ECT2: variants seen among roughly 807,000 people sequenced by gnomAD.
ECT2 encodes epithelial cell transforming 2, also known as protein ECT2.
ECT2 carries 61 observed loss-of-function variants against 116.9 expected under a neutral mutation model. That is an observed-to-expected ratio of 0.52 (90% CI 0.42 to 0.65). The LOEUF is 0.65. Among genes scored for constraint, ECT2 ranks in the 30% least tolerant of loss-of-function variants. The pLI, the probability that ECT2 is intolerant of heterozygous loss-of-function variation, is 0.00. For synonymous variants in ECT2, 358 were observed against 346.4 expected (o/e 1.03, Z -0.37); for missense variants, 937 against 1,078.7 (o/e 0.87, Z 1.84).
intron 23 of ECT2, 33 bp downstream of exon 23, chr3:172,815,744 C>T: frequency 7.7e-7 from 1 of 1,300,330 alleles, no homozygotes; most frequent in Non-Finnish European, 1.1e-6. Flanking sequence ...TTTAGCACAT[C>T]TCTAACATAT....
chr3:172,807,561 A>G, intron 21 of ECT2: 1 of 444,430 alleles, frequency 2.3e-6, no homozygotes. Context: ...CATCATCATT[A>G]GTTCCTTACG....
chr3:172,815,136 T>C (rs1180858012), intron 22 of ECT2, among the ~76,000 whole-genome samples: 2 of 152,192 alleles, frequency 1.3e-5, no homozygotes, highest in African/African-American at 2.4e-5. Flanking sequence ...TTTCTGTTCA[T>C]TGTCACCCTA....
chr3:172,801,348 G>C (rs1315152075), intron 18 of ECT2, among the ~76,000 whole-genome samples: 1 of 152,144 alleles, frequency 6.6e-6, no homozygotes. Context: ...TTAGTCTAAG[G>C]TTAATTTTCC....
intron 18 of ECT2, among the ~76,000 whole-genome samples, chr3:172,793,242 T>C (rs956313516): frequency 2.6e-5 from 4 of 152,270 alleles, no homozygotes; most frequent in South Asian, 2.1e-4. Flanking sequence ...CTCGGCTCAC[T>C]GCAACCTCCG....
intron 4 of ECT2, among the ~76,000 whole-genome samples, 196 bp from the exon 5 acceptor site, chr3:172,756,787 T>TAAAAATG (rs747530085): frequency 2.7e-4 from 41 of 152,328 alleles, no homozygotes; most frequent in Middle Eastern, 3.4e-3. Context: ...TATGTATATG[T>TAAAAATG]AAAAATGTAA....
intron 1 of ECT2, among the ~76,000 whole-genome samples, chr3:172,751,383 C>T (rs1249534443): frequency 6.6e-6 from 1 of 152,246 alleles, no homozygotes; most frequent in Non-Finnish European, 1.5e-5. Context: ...TTTAGCCGGG[C>T]TTTGAATACC....
At position 172,805,786 on chromosome 3, in the gene ECT2, C is replaced by G; in HGVS notation, c.2162C>G (p.Thr721Ser). The G allele has an allele frequency of 1.2e-6, 2 of 1,613,778 alleles. No individual in the cohort carries two copies. Residue 721 changes from threonine (T) to serine (S), a missense_variant, in exon 21 of 25, where the codon ACC (threonine) becomes AGC (serine). Transcript: ENST00000392692. Reference sequence around the variant, plus strand: ...ACTTTTAGGAGTCCTCATGGCCAAACCCGACCCCCAGCTTCTCTTAAGCAT... The same window carrying G: ...ACTTTTAGGAGTCCTCATGGCCAAAGCCGACCCCCAGCTTCTCTTAAGCAT... ...IGTFRSPHGQ[T>S]RPPASLKHIH...
chr3:172,814,049 A>AT (rs1259880969), intron 22 of ECT2, among the ~76,000 whole-genome samples: 1 of 152,100 alleles, frequency 6.6e-6, no homozygotes. Flanking sequence ...CAATATTGAC[A>AT]TTTACAAGTA....
chr3:172,751,534 GTC>G (rs1020562165), intron 1 of ECT2, among the ~76,000 whole-genome samples: 12 of 151,828 alleles, frequency 7.9e-5, no homozygotes, highest in African/African-American at 2.9e-4. Flanking sequence ...TTAGGACAAT[GTC>G]TGCCACGTAT....
At chr3:172,815,552 TTA>T in intron 22 of ECT2, 50 bp from the exon 23 acceptor site, 1 of 1,205,044 alleles carries the variant, frequency 8.3e-7, no homozygotes, top group Non-Finnish European at 1.2e-6. Flanking sequence ...AGTTTGATTT[TTA>T]GAAACAGTTG....
intron 13 of ECT2, among the ~76,000 whole-genome samples, chr3:172,771,813 AG>A (rs1720694757): frequency 6.6e-6 from 1 of 152,214 alleles, no homozygotes; most frequent in African/African-American, 2.4e-5. Context: ...ATAAGAGGAT[AG>A]ATTTGAGAAA....
At chr3:172,810,565 C>T (rs1390121712) in intron 22 of ECT2, among the ~76,000 whole-genome samples, 2 of 151,964 alleles carry the variant, frequency 1.3e-5, no homozygotes, top group Non-Finnish European at 2.9e-5. Context: ...TTATTGATAC[C>T]ACTTTAATTT....
At position 172,805,880 on chromosome 3, in the gene ECT2, C is replaced by A; in HGVS notation, c.2245+11C>A. The stretch of plus-strand genomic sequence containing the variant: ...TAAGAGAGACAGAAGGTATGCCGGT[C>A]GGATACATTCTTGGTTATATAAAAA... On this transcript the variant is annotated intron_variant, in intron 21 of 24. Coordinates refer to ENST00000392692, the MANE Select transcript of ECT2 (RefSeq NM_001258315.2). The A allele has an allele frequency of 6.2e-7, 1 of 1,609,826 alleles. No homozygotes were observed. The highest frequency in any genetic ancestry group is 1.1e-5 in the South Asian group (1 of 90,202).
intron 15 of ECT2, among the ~76,000 whole-genome samples, chr3:172,782,629 G>A (rs567277242): frequency 7.9e-5 from 12 of 152,004 alleles, no homozygotes; most frequent in South Asian, 2.1e-4. Context: ...AGATTGTTTC[G>A]TCACCCAGGC....
Position 172,810,730 on chromosome 3 carries a change from G to A in ECT2, c.2400+2806G>A, listed in dbSNP as rs115673841. Among the ~76,000 whole-genome samples, 1,106 of 152,158 alleles carry A rather than the reference G, an allele frequency of 7.3e-3. 14 individuals carry two copies. Among genetic ancestry groups the A allele is most frequent in the African/African-American group, 0.025 (1,034 of 41,512 alleles). ...AGGGGAGAAGTGTCTCATAACTCAC[G>A]AGTAAACAGGTTAATTGGCTTAAGA... On this transcript the variant is annotated intron_variant, in intron 22 of 24. Coordinates refer to ENST00000392692, the MANE Select transcript of ECT2 (RefSeq NM_001258315.2).
At chr3:172,816,636 C>A in intron 23 of ECT2, 55 bp from the exon 24 acceptor site, 1 of 1,464,926 alleles carries the variant, frequency 6.8e-7, no homozygotes, top group Non-Finnish European at 9.2e-7. Context: ...TTTAAATATT[C>A]TCATCAGCTG....
At chr3:172,791,465 T>A (rs115926291) in intron 18 of ECT2, among the ~76,000 whole-genome samples, 4,767 of 152,348 alleles carry the variant, frequency 0.031, 95 homozygotes, top group Middle Eastern at 0.058. Context: ...TATAGCCACC[T>A]TCTTCAATTA....
In ECT2 at chr3:172,820,659, A is replaced by G. The variant is rs1730576417; in HGVS notation, c.*422A>G. ...GCTCAATTTATGCAGAGATTAAATG[A>G]CATCATAATACTGGATGAAAACTTG... On this transcript the variant is annotated 3_prime_UTR_variant, in exon 25 of 25. Coordinates refer to ENST00000392692, the MANE Select transcript of ECT2 (RefSeq NM_001258315.2). 1 of 152,442 alleles carries G rather than the reference A, an allele frequency of 6.6e-6. No individual in the cohort carries two copies. 9.4% of individuals were successfully genotyped at this position (152,442 alleles called of 1,614,324 possible).
intron 18 of ECT2, among the ~76,000 whole-genome samples, chr3:172,789,902 A>G (rs761256474): frequency 2.0e-5 from 3 of 152,216 alleles, no homozygotes; most frequent in Non-Finnish European, 4.4e-5. Context: ...TCCTTCTGCA[A>G]TTGAAATCTT....
Sources: gnomAD v4.1 joint callset for allele counts (sites outside exome capture counted in the v4.1 genomes callset) on GRCh38, gnomAD v4.1.1 for gene constraint, MANE v1.5 for transcripts, NCBI Gene and HGNC (gene_info 2026-07-23, HGNC 2026-07-21) for gene names.